PSG1: variants seen among roughly 807,000 people sequenced by gnomAD.
The protein encoded by PSG1 is pregnancy-specific beta-1-glycoprotein 1.
In PSG1, 60 loss-of-function variants were observed where a neutral mutation model predicts 41.4. The observed-to-expected ratio is 1.45, with a 90% CI of 1.18 to 1.80. The LOEUF (loss-of-function observed/expected upper bound fraction) is 1.80, where lower values mean the gene tolerates loss of function less well. Ranked by LOEUF, PSG1 falls within the 40% of genes most tolerant of loss-of-function variation. The pLI, the probability that PSG1 is intolerant of heterozygous loss-of-function variation, is 0.00. For synonymous variants in PSG1, 256 were observed against 192.9 expected (o/e 1.33, Z -2.71); for missense variants, 806 against 516.9 (o/e 1.56, Z -5.42).
At chr19:42,875,187 C>T (rs1366567281) in intron 2 of PSG1, among the ~76,000 whole-genome samples, 1 of 151,760 alleles carries the variant, frequency 6.6e-6, no homozygotes, top group Non-Finnish European at 1.5e-5. Context: ...CATTCCTGGG[C>T]ATAGGCCAGG....
At chr19:42,867,692 A>G (rs776019002) in intron 5 of PSG1, 1 of 798,992 alleles carries the variant, frequency 1.3e-6, no homozygotes, top group South Asian at 1.4e-5. Flanking sequence ...AGAAAGCAAA[A>G]GTAAATGTTT....
intron 2 of PSG1, among the ~76,000 whole-genome samples, chr19:42,875,296 C>T (rs1257995178): frequency 1.3e-5 from 2 of 151,624 alleles, no homozygotes; most frequent in Admixed American, 6.6e-5. Context: ...CAGGGACTGC[C>T]TTTGTAAAAC....
chr19:42,870,323 G>C (rs551195720), intron 3 of PSG1: 2 of 151,828 alleles, frequency 1.3e-5, no homozygotes, highest in Admixed American at 1.3e-4. Flanking sequence ...AAATGCTCCA[G>C]TGAGCATTTC....
At chr19:42,872,073 CGT>C in intron 2 of PSG1, 28 bp from the exon 3 acceptor site, 1 of 1,595,234 alleles carries the variant, frequency 6.3e-7, no homozygotes, top group Non-Finnish European at 8.5e-7. Context: ...TGAAGATTGC[CGT>C]GTGTGGCGCC....
rs188735529 is a variant in PSG1, at chr19:42,879,293, T to G, written c.64+225A>C. Among the ~76,000 whole-genome samples, 10 of 151,142 alleles carry G rather than the reference T, an allele frequency of 6.6e-5. No homozygotes were observed. In the East Asian group the frequency reaches 9.8e-4, roughly 15 times the overall value. On this transcript the variant is annotated intron_variant, in intron 1 of 5. Coordinates refer to ENST00000436291, the MANE Select transcript of PSG1 (RefSeq NM_001184825.2). ...TCAGCCTCCCGAGTAGCTAGGATTA[T>G]AGGAGCACACCACCATACCTGGTTA...
At chr19:42,868,385 A>T (rs1971229363) in intron 4 of PSG1, 30 bp from the exon 5 acceptor site, 1 of 1,584,994 alleles carries the variant, frequency 6.3e-7, no homozygotes, top group African/African-American at 1.4e-5. Flanking sequence ...GCCACAGGTG[A>T]TGTCATCTGA....
chr19:42,877,817 G>T, intron 2 of PSG1, 96 bp downstream of exon 2: 3 of 1,601,448 alleles, frequency 1.9e-6, no homozygotes, highest in Non-Finnish European at 2.6e-6. Flanking sequence ...AACGCAGTGA[G>T]TGACACAGGC....
chr19:42,877,276 G>T (rs1007235903), intron 2 of PSG1, among the ~76,000 whole-genome samples: 5 of 151,554 alleles, frequency 3.3e-5, no homozygotes, highest in African/African-American at 9.7e-5. Flanking sequence ...AAGGCAGTTG[G>T]GTGATGGCCT....
intron 3 of PSG1, among the ~76,000 whole-genome samples, chr19:42,871,414 T>C (rs1971377058): frequency 6.6e-6 from 1 of 151,436 alleles, no homozygotes. Flanking sequence ...GAAGGGAAAA[T>C]CCTGGTCTGT....
At chr19:42,878,339 G>C in intron 1 of PSG1, 61 bp from the exon 2 acceptor site, 1 of 1,543,058 alleles carries the variant, frequency 6.5e-7, no homozygotes, top group Non-Finnish European at 8.7e-7. Flanking sequence ...GAAAACATGG[G>C]GCCCTGGGTC....
At chr19:42,877,054 C>G (rs557880324) in intron 2 of PSG1, among the ~76,000 whole-genome samples, 1 of 151,684 alleles carries the variant, frequency 6.6e-6, no homozygotes, top group African/African-American at 2.4e-5. Flanking sequence ...TTCATGCTAT[C>G]TGTGAATAAA....
In PSG1 at chr19:42,867,090, A is replaced by C. The variant is rs368660258; in HGVS notation, c.*44T>G. The C allele has an allele frequency of 2.4e-4, 187 of 772,890 alleles. 2 individuals carry two copies. Among genetic ancestry groups the C allele is most frequent in the African/African-American group, 1.4e-3 (84 of 59,060 alleles). The allele number at this position is 772,890 out of a possible 1,614,324, so 47.9% of individuals were successfully genotyped here. ...CTGGAACAGAGTGGGTCTTGCTCTT[A>C]GTGATTCCATGGGAGAAAATGGAAT... is the stretch of plus-strand genomic sequence containing the variant. On this transcript the variant is annotated 3_prime_UTR_variant, in exon 6 of 6. Coordinates refer to ENST00000436291, the MANE Select transcript of PSG1 (RefSeq NM_001184825.2).
rs776428606 is a variant in PSG1 at position 42,868,082 on chromosome 19, G to A, written c.1243+19C>T. On this transcript the variant is annotated intron_variant, in intron 5 of 5. Transcript: ENST00000436291. ...CTCCACCTAAAACCCTATTGCCAAC[G>A]ATGCTGGGATCCACTTACCAGAGAC... 8 of 1,612,094 alleles carry A rather than the reference G, an allele frequency of 5.0e-6. No individual in the cohort carries two copies. The highest frequency in any genetic ancestry group is 3.3e-5 in the Admixed American group (2 of 59,824).
At chr19:42,874,714 A>T (rs1568423473) in intron 2 of PSG1, among the ~76,000 whole-genome samples, 2 of 151,640 alleles carry the variant, frequency 1.3e-5, no homozygotes. Context: ...GAACCGAGTG[A>T]CAAATTTCAA....
intron 1 of PSG1, 97 bp from the exon 2 acceptor site, chr19:42,878,375 C>T: frequency 1.4e-6 from 2 of 1,455,492 alleles, no homozygotes; most frequent in Non-Finnish European, 1.8e-6. Flanking sequence ...CAGTCCTCAG[C>T]CTTGACAACA....
At position 42,871,793 on chromosome 19, in the gene PSG1, C is replaced by A. The variant is rs762908408; in HGVS notation, c.683G>T (p.Ser228Ile). The change falls in exon 3 of 6, where the codon AGT becomes ATT. Residue 228 changes from serine to isoleucine, a missense_variant. Coordinates refer to ENST00000436291, the MANE Select transcript of PSG1 (RefSeq NM_001184825.2). ...GAGGAGATTCAGGGTGACTGGGTCA[C>A]TGCGGCTGGCACTCACTGGGTTCCG... ...EIRNPVSASR[S>I]DPVTLNLLPK... 3.1e-6 allele frequency: 5 copies of A among 1,612,474 alleles called. No individual in the cohort carries two copies. The highest frequency in any genetic ancestry group is 2.2e-5 in the South Asian group (2 of 90,836).
chr19:42,870,852 C>G (rs1319958661), intron 3 of PSG1, among the ~76,000 whole-genome samples: 2 of 151,516 alleles, frequency 1.3e-5, no homozygotes, highest in African/African-American at 4.8e-5. Context: ...TATTTTATTC[C>G]TTTTGATGTT....
At chr19:42,867,419 T>C in intron 5 of PSG1, 2 of 576,726 alleles carry the variant, frequency 3.5e-6, no homozygotes, top group Admixed American at 6.4e-5. Flanking sequence ...TTATAAGGAA[T>C]CTGAGATTAA....
chr19:42,878,891 C>G (rs932279162), intron 1 of PSG1, among the ~76,000 whole-genome samples: 1 of 151,522 alleles, frequency 6.6e-6, no homozygotes, highest in Non-Finnish European at 1.5e-5. Context: ...TTTTTTTCCC[C>G]CAATTGTTGA....
Sources: allele counts gnomAD v4.1 joint callset (sites outside exome capture counted in the v4.1 genomes callset), GRCh38; gene constraint gnomAD v4.1.1; transcripts MANE v1.5; gene names NCBI Gene and HGNC (gene_info 2026-07-23, HGNC 2026-07-21).